Variants in TBC1D16 observed in about 807,000 individuals in gnomAD.
The protein encoded by TBC1D16 is TBC1 domain family member 16.
TBC1D16 carries 58 observed loss-of-function variants against 74.7 expected under a neutral mutation model. The observed-to-expected ratio is 0.78, with a 90% CI of 0.63 to 0.97. The LOEUF (loss-of-function observed/expected upper bound fraction) is 0.97, where lower values mean the gene tolerates loss of function less well. Ranked by LOEUF, TBC1D16 falls within the 50% of genes least tolerant of loss-of-function variation. The pLI, the probability that TBC1D16 is intolerant of heterozygous loss-of-function variation, is 0.00. For missense variants in TBC1D16, 1,014 were observed against 1,079.5 expected (o/e 0.94, Z 0.85); for synonymous variants, 493 against 474.7 (o/e 1.04, Z -0.50).
Position 80,026,535 on chromosome 17 carries a change from A to G in TBC1D16, c.-63+9260T>C, listed in dbSNP as rs933414434. On this transcript the variant is annotated intron_variant, in intron 1 of 11. Transcript: ENST00000310924. ...CCAAAGAGGTGTGGAGGAGGCGTGG[A>G]CGAGGGTGGAGTTGTGTGGACCAAT... 6.0e-5 allele frequency among the ~76,000 whole-genome samples: 9 copies of G among 149,876 alleles called. 2 individuals carry two copies. Among genetic ancestry groups the G allele is most frequent in the African/African-American group, 2.0e-4 (8 of 39,252 alleles).
chr17:80,031,496 G>A (rs1284820024), intron 1 of TBC1D16, among the ~76,000 whole-genome samples: 3 of 152,200 alleles, frequency 2.0e-5, no homozygotes, highest in Non-Finnish European at 4.4e-5. Context: ...AACGGGGCAG[G>A]ACCATCACCA....
intron 3 of TBC1D16, among the ~76,000 whole-genome samples, chr17:79,970,545 C>T (rs2034043313): frequency 6.6e-6 from 1 of 152,208 alleles, no homozygotes; most frequent in Non-Finnish European, 1.5e-5. Flanking sequence ...ATAAAAAGTT[C>T]TGGGTGTCCC....
intron 3 of TBC1D16, among the ~76,000 whole-genome samples, chr17:79,995,004 A>G (rs1285482926): frequency 6.6e-6 from 1 of 152,136 alleles, no homozygotes; most frequent in Non-Finnish European, 1.5e-5. Flanking sequence ...TTGACTTGTA[A>G]AAATGTAGCT....
chr17:79,960,038 C>A (rs1168617810), intron 3 of TBC1D16, among the ~76,000 whole-genome samples: 5 of 150,098 alleles, frequency 3.3e-5, no homozygotes, highest in Non-Finnish European at 4.4e-5. Context: ...TTTCTTAGAC[C>A]AGACACCAAC....
intron 1 of TBC1D16, among the ~76,000 whole-genome samples, chr17:80,030,777 A>C (rs1282802255): frequency 6.6e-6 from 1 of 151,988 alleles, no homozygotes; most frequent in African/African-American, 2.4e-5. Flanking sequence ...AGGCAGAGGC[A>C]GGCAGGGTGT....
intron 1 of TBC1D16, among the ~76,000 whole-genome samples, chr17:80,027,344 C>T (rs1393230455): frequency 2.6e-5 from 4 of 151,870 alleles, no homozygotes; most frequent in African/African-American, 4.8e-5. Flanking sequence ...TGCCTATAGT[C>T]CCAGATACTC....
At chr17:80,034,399 A>G (rs1278254687) in intron 1 of TBC1D16, among the ~76,000 whole-genome samples, 1 of 151,816 alleles carries the variant, frequency 6.6e-6, no homozygotes, top group African/African-American at 2.4e-5. Context: ...GGGGGGTTTC[A>G]CCATATTGGC....
rs1230773263 is a variant in TBC1D16, at chr17:80,007,652, C to T, written c.779+2508G>A. On this transcript the variant is annotated intron_variant, in intron 3 of 11. Transcript: ENST00000310924. This position sits in a 1 kb window ranked among gnomAD's most constrained non-coding sequence, Gnocchi z 4.5. Reference sequence around the variant, plus strand: ...CCCAAAAGCTGACATGAAGGTGCCTCGCCCCAGGAGCTGAGTCTCAAACAT... The same window carrying T: ...CCCAAAAGCTGACATGAAGGTGCCTTGCCCCAGGAGCTGAGTCTCAAACAT... Among the ~76,000 whole-genome samples the T allele has an allele frequency of 1.3e-5, 2 of 152,126 alleles. No individual in the cohort carries two copies. Among genetic ancestry groups the T allele is most frequent in the East Asian group, 3.9e-4 (2 of 5,174 alleles).
rs527964983 is a variant in TBC1D16 at position 79,983,044 on chromosome 17, G to A, written c.779+27116C>T. On this transcript the variant is annotated intron_variant, in intron 3 of 11. Transcript: ENST00000310924. The surrounding 1 kb of genome is among the most constrained non-coding windows in gnomAD (Gnocchi z 5.6). Reference sequence around the variant, plus strand: ...GTGTGTGCACACGCATCCACCCCGAGCCTCTGTGTGCAGAGCTCCAAGCAC... The same window carrying A: ...GTGTGTGCACACGCATCCACCCCGAACCTCTGTGTGCAGAGCTCCAAGCAC... Among the ~76,000 whole-genome samples the A allele has an allele frequency of 1.3e-5, 2 of 152,212 alleles. No individual in the cohort carries two copies. Among genetic ancestry groups the A allele is most frequent in the Non-Finnish European group, 2.9e-5 (2 of 68,050 alleles).
intron 1 of TBC1D16, among the ~76,000 whole-genome samples, chr17:80,025,550 T>C (rs961564078): frequency 2.3e-5 from 3 of 130,996 alleles, no homozygotes; most frequent in Admixed American, 1.5e-4. Flanking sequence ...TCCTGGCACC[T>C]GGGCTTCGGG....
intron 1 of TBC1D16, among the ~76,000 whole-genome samples, chr17:80,031,776 G>C (rs1164796683): frequency 6.6e-6 from 1 of 152,154 alleles, no homozygotes; most frequent in East Asian, 1.9e-4. Context: ...AACACAAAGG[G>C]TAAGGGAAGA....
intron 1 of TBC1D16, among the ~76,000 whole-genome samples, chr17:80,021,760 A>G (rs1461475162): frequency 1.3e-5 from 2 of 148,534 alleles, no homozygotes; most frequent in Non-Finnish European, 3.0e-5. Context: ...GACACATCAC[A>G]CACACAACCC....
rs749087187 is a variant in TBC1D16, at chr17:79,948,953, G to A, written c.1460C>T (p.Thr487Ile). 6.2e-7 allele frequency: 1 copy of A among 1,614,198 alleles called. No individual in the cohort carries two copies. Among genetic ancestry groups the A allele is most frequent in the Non-Finnish European group, 8.5e-7 (1 of 1,180,030 alleles). The change falls in exon 8 of 12, where the codon ACT (threonine) becomes ATT (isoleucine). Residue 487 changes from threonine (T) to isoleucine (I), a missense_variant. Transcript: ENST00000310924. The stretch of plus-strand genomic sequence containing the variant: ...TGTCCGGACCACGTCTTTGTCCACA[G>A]TGAACTGCACATTACGCCAGAACGC... The part of the protein sequence containing the change: ...HRAFWRNVQF[T>I]VDKDVVRTDR...
At chr17:80,015,258 C>T (rs1013621455) in intron 1 of TBC1D16, among the ~76,000 whole-genome samples, 15 of 151,852 alleles carry the variant, frequency 9.9e-5, no homozygotes, top group South Asian at 2.1e-4. Context: ...GGCAAAACCC[C>T]GTCTTGACTA....
At chr17:80,019,579 G>A (rs891020289) in intron 1 of TBC1D16, among the ~76,000 whole-genome samples, 3 of 149,668 alleles carry the variant, frequency 2.0e-5, no homozygotes, top group Middle Eastern at 3.2e-3. Flanking sequence ...TTGCTGTTTC[G>A]CAAGAGGCTA....
At position 79,950,795 on chromosome 17, in the gene TBC1D16, C is replaced by G. The variant is rs912378590; in HGVS notation, c.1090-217G>C. 28 of 1,536,116 alleles carry G rather than the reference C, an allele frequency of 1.8e-5. No homozygotes were observed. The highest frequency in any genetic ancestry group is 3.3e-4 in the Middle Eastern group (2 of 5,990). On this transcript the variant is annotated intron_variant, in intron 5 of 11. Coordinates refer to ENST00000310924, the MANE Select transcript of TBC1D16 (RefSeq NM_019020.4). The surrounding 1 kb of genome is among the most constrained non-coding windows in gnomAD (Gnocchi z 4.6). ...CGGTTTCCCTCTGCGGCTCTCTCCT[C>G]CCCGGCCCACTGTGCCGCCGCCCCC...
intron 3 of TBC1D16, among the ~76,000 whole-genome samples, chr17:79,972,985 A>G (rs1287535511): frequency 6.6e-6 from 1 of 151,972 alleles, no homozygotes; most frequent in East Asian, 1.9e-4. Context: ...AGGAGGCTGA[A>G]GCGGGAGAAT....
At position 79,940,035 on chromosome 17, in the gene TBC1D16, G is replaced by T. The variant is rs1464330461; in HGVS notation, c.*824C>A. 6.6e-6 allele frequency: 1 copy of T among 152,186 alleles called. No homozygotes were observed. The highest frequency in any genetic ancestry group is 1.5e-5 in the Non-Finnish European group (1 of 68,026). 9.4% of individuals were successfully genotyped at this position (152,186 alleles called of 1,614,324 possible). ...CATCGACCCATTCAAGCCCCAGCTG[G>T]TTGCTGTATTTGGTGGAGTTGACCT... On this transcript the variant is annotated 3_prime_UTR_variant, in exon 12 of 12. Transcript: ENST00000310924. This position sits in a 1 kb window ranked among gnomAD's most constrained non-coding sequence, Gnocchi z 5.4.
rs548541437 is a variant in TBC1D16, at chr17:79,972,548, C to T, written c.780-19730G>A. On this transcript the variant is annotated intron_variant, in intron 3 of 11. Transcript: ENST00000310924. Reference sequence around the variant, plus strand: ...ACCTGACGTTACGCTAAGTGAAAGACGCCAGACACAGAAGGTCAAACCCTG... The same window carrying T: ...ACCTGACGTTACGCTAAGTGAAAGATGCCAGACACAGAAGGTCAAACCCTG... 1.3e-4 allele frequency among the ~76,000 whole-genome samples: 20 copies of T among 152,306 alleles called. No individual in the cohort carries two copies. The East Asian group carries it at 1.5e-3, about 12-fold the overall frequency.
Sources: allele counts gnomAD v4.1 joint callset (sites outside exome capture counted in the v4.1 genomes callset), GRCh38; gene constraint gnomAD v4.1.1; non-coding constraint Gnocchi (gnomAD v3.1); transcripts MANE v1.5; gene names NCBI Gene and HGNC (gene_info 2026-07-23, HGNC 2026-07-21).